The following OR1J2 variants were observed in gnomAD, a reference collection of about 807,000 sequenced individuals.
OR1J2 encodes the protein olfactory receptor family 1 subfamily J member 2.
For synonymous variants in OR1J2, 142 were observed against 99.7 expected, an observed-to-expected ratio of 1.42 and a Z score of -2.52; for missense variants, 304 against 246.1, an observed-to-expected ratio of 1.24 and a Z score of -1.57.
chr9:122,547,594 C>T, the OR1J2 span, among the ~76,000 whole-genome samples: 2 of 148,848 alleles, frequency 1.3e-5, no homozygotes, highest in East Asian at 2.0e-4. Flanking sequence ...AACTTGATTT[C>T]ATTTTTTATG....
At chr9:122,460,181 G>GTA in the OR1J2 span, among the ~76,000 whole-genome samples, 7 of 34,592 alleles carry the variant, frequency 2.0e-4, no homozygotes, top group South Asian at 8.7e-4. Context: ...GTGTGTGTGT[G>GTA]TATATATATA....
At chr9:122,469,328 TAGTG>T in the OR1J2 span, among the ~76,000 whole-genome samples, 4 of 152,210 alleles carry the variant, frequency 2.6e-5, no homozygotes, top group African/African-American at 7.2e-5. Flanking sequence ...GTTCTCATGG[TAGTG>T]AGTAAGTCTC....
the OR1J2 span, among the ~76,000 whole-genome samples, chr9:122,468,255 A>C: frequency 2.0e-5 from 3 of 152,236 alleles, no homozygotes; most frequent in African/African-American, 4.8e-5. Flanking sequence ...TTAATTTCAG[A>C]GAATGAATTA....
At chr9:122,451,222 GT>G in the OR1J2 span, among the ~76,000 whole-genome samples, 1 of 149,386 alleles carries the variant, frequency 6.7e-6, no homozygotes, top group Non-Finnish European at 1.5e-5. Context: ...TTTCGCTCTT[GT>G]TACCCAGGCT....
the OR1J2 span, among the ~76,000 whole-genome samples, chr9:122,487,951 A>G: frequency 6.6e-6 from 1 of 152,208 alleles, no homozygotes; most frequent in African/African-American, 2.4e-5. Context: ...TGATGTAGAT[A>G]GTATTTTTCC....
the OR1J2 span, among the ~76,000 whole-genome samples, chr9:122,563,921 A>C: frequency 6.6e-6 from 1 of 152,238 alleles, no homozygotes; most frequent in African/African-American, 2.4e-5. Context: ...AGTTGGCTAT[A>C]GATACATGAT....
the OR1J2 span, among the ~76,000 whole-genome samples, chr9:122,518,944 T>G: frequency 2.0e-5 from 3 of 152,248 alleles, no homozygotes; most frequent in Admixed American, 1.3e-4. Flanking sequence ...CTCTACTCTC[T>G]TGGCGAATTA....
At chr9:122,560,912 G>A in the OR1J2 span, among the ~76,000 whole-genome samples, 2 of 152,174 alleles carry the variant, frequency 1.3e-5, no homozygotes, top group African/African-American at 4.8e-5. Context: ...ATAATATCCT[G>A]AAGTGTGTTT....
the OR1J2 span, among the ~76,000 whole-genome samples, chr9:122,465,892 C>A: frequency 6.6e-6 from 1 of 152,254 alleles, no homozygotes; most frequent in Admixed American, 6.5e-5. Context: ...CTGTTAAAAC[C>A]TGTCCCTTGA....
At chr9:122,519,769 C>T in the OR1J2 span, 33 of 1,614,056 alleles carry the variant, frequency 2.0e-5, no homozygotes, top group Non-Finnish European at 2.6e-5. Context: ...ATTACTCTAC[C>T]ACTAATATGC....
chr9:122,558,553 T>C, the OR1J2 span, among the ~76,000 whole-genome samples: 2 of 151,758 alleles, frequency 1.3e-5, no homozygotes, highest in Non-Finnish European at 3.0e-5. Context: ...TAATTTCTTA[T>C]TATTTTATGT....
At chr9:122,564,444 A>G in the OR1J2 span, among the ~76,000 whole-genome samples, 1 of 152,332 alleles carries the variant, frequency 6.6e-6, no homozygotes, top group Admixed American at 6.5e-5. Flanking sequence ...GGAAGCCATT[A>G]GAGCTGCCTC....
chr9:122,491,339 A>C, the OR1J2 span, among the ~76,000 whole-genome samples: 2 of 152,244 alleles, frequency 1.3e-5, no homozygotes, highest in South Asian at 4.2e-4. Context: ...ATAGAAATTC[A>C]TGGACTGTCA....
At position 122,511,694 on chromosome 9, in the gene OR1J2, A is replaced by G. The variant is rs778579982; in HGVS notation, c.893A>G (p.Lys298Arg). The change falls in exon 1 of 1, where the codon AAA (lysine) becomes AGA (arginine). Residue 298 changes from lysine to arginine, a missense_variant. By Grantham distance (26) the Lys-to-Arg change is conservative (BLOSUM62 2). Transcript: ENST00000335302. ...TACAGCCTTAGGAACAGGGACATGA[A>G]AGAGGCCCTTGGGAAACTCTTCAGT... ...FIYSLRNRDM[K>R]EALGKLFSRA... The G allele has an allele frequency of 3.3e-5, 26 of 780,906 alleles. No homozygotes were observed. 48.4% of individuals were successfully genotyped at this position (780,906 alleles called of 1,614,324 possible).
chr9:122,462,373 C>T, the OR1J2 span, among the ~76,000 whole-genome samples: 1 of 152,070 alleles, frequency 6.6e-6, no homozygotes, highest in Admixed American at 6.5e-5. Flanking sequence ...ATCCGTTCTG[C>T]CATTCTGTAT....
chr9:122,565,606 C>T, the OR1J2 span, among the ~76,000 whole-genome samples: 1 of 152,210 alleles, frequency 6.6e-6, no homozygotes, highest in South Asian at 2.1e-4. Flanking sequence ...TAGCCAATTA[C>T]TTGGTGGTAT....
downstream of OR1J2, among the ~76,000 whole-genome samples, chr9:122,513,524 G>A (rs564136021): frequency 0.041 from 4,797 of 116,438 alleles, 240 homozygotes; most frequent in African/African-American, 0.17. Flanking sequence ...ATTTTCACAA[G>A]CATTTTTTTT....
At chr9:122,525,498 A>AGAT in the OR1J2 span, among the ~76,000 whole-genome samples, 1 of 152,186 alleles carries the variant, frequency 6.6e-6, no homozygotes, top group Non-Finnish European at 1.5e-5. Context: ...TCTTGGAGAC[A>AGAT]GATAGAATGC....
At chr9:122,500,458 C>T in the OR1J2 span, among the ~76,000 whole-genome samples, 1 of 152,180 alleles carries the variant, frequency 6.6e-6, no homozygotes, top group African/African-American at 2.4e-5. Flanking sequence ...GGTGGATTCT[C>T]ATTTTCCTTC....
Sources: gnomAD v4.1 joint callset for allele counts (sites outside exome capture counted in the v4.1 genomes callset) on GRCh38, gnomAD v4.1.1 for gene constraint, MANE v1.5 for transcripts, NCBI Gene and HGNC (gene_info 2026-07-23, HGNC 2026-07-21) for gene names.